The following KLF7 variants were observed in gnomAD, a reference collection of about 807,000 sequenced individuals.
KLF7 encodes the protein Krueppel-like factor 7.
Under a neutral mutation model 27.3 loss-of-function variants are expected in KLF7, and 2 were observed. The observed-to-expected ratio is 0.07, with a 90% CI of 0.03 to 0.23. The LOEUF (loss-of-function observed/expected upper bound fraction) is 0.23. Ranked by LOEUF, KLF7 falls within the 10% of genes least tolerant of loss-of-function variation. KLF7 has a pLI of 1.00. For missense variants in KLF7, 221 were observed against 394.1 expected, an observed-to-expected ratio of 0.56 and a Z score of 3.72; for synonymous variants, 165 against 162.4, an observed-to-expected ratio of 1.02 and a Z score of -0.12.
intron 2 of KLF7, among the ~76,000 whole-genome samples, chr2:207,095,558 A>C (rs1452141704): frequency 2.6e-5 from 4 of 152,250 alleles, no homozygotes; most frequent in Non-Finnish European, 4.4e-5. Flanking sequence ...GTTTGTGTTC[A>C]ATATAGTAGC....
chr2:207,164,913 C>G (rs2078659317), intron 1 of KLF7, among the ~76,000 whole-genome samples: 1 of 152,080 alleles, frequency 6.6e-6, no homozygotes, highest in African/African-American at 2.4e-5. Context: ...TCTCTTTTGC[C>G]TACCTTCTAA....
At chr2:207,084,248 C>T (rs1053651511) in intron 3 of KLF7, among the ~76,000 whole-genome samples, 1 of 152,050 alleles carries the variant, frequency 6.6e-6, no homozygotes, top group Non-Finnish European at 1.5e-5. Flanking sequence ...GAGGGCCTGG[C>T]AGTGGGAAAC....
chr2:207,088,443 T>G lies in KLF7; in HGVS notation c.857+15A>C. Reference sequence around the variant, plus strand: ...ATCTCTCCTCCCTAGCCCATCAACTTCTACTTCTCTTTACCTGTCGCAGTG... The same window carrying G: ...ATCTCTCCTCCCTAGCCCATCAACTGCTACTTCTCTTTACCTGTCGCAGTG... On this transcript the variant is annotated intron_variant, in intron 3 of 3. Coordinates refer to ENST00000309446, the MANE Select transcript of KLF7 (RefSeq NM_003709.4). 6.2e-7 allele frequency: 1 copy of G among 1,612,710 alleles called. No homozygotes were observed. Among genetic ancestry groups the G allele is most frequent in the Non-Finnish European group, 8.5e-7 (1 of 1,178,944 alleles).
chr2:207,168,415 C>T (rs2078760146), upstream of KLF7, among the ~76,000 whole-genome samples: 1 of 152,148 alleles, frequency 6.6e-6, no homozygotes, highest in Non-Finnish European at 1.5e-5. Context: ...GATACCCACG[C>T]TTGGAAATAC....
At chr2:207,134,337 C>G (rs2077724463) in intron 1 of KLF7, among the ~76,000 whole-genome samples, 1 of 151,964 alleles carries the variant, frequency 6.6e-6, no homozygotes, top group African/African-American at 2.4e-5. Flanking sequence ...AACGTTCTCT[C>G]TCTCCCTCGC....
chr2:207,145,650 G>A (rs1012370387), intron 1 of KLF7, among the ~76,000 whole-genome samples: 1 of 152,216 alleles, frequency 6.6e-6, no homozygotes. Context: ...ATGTGACTGT[G>A]AATGTCACTA....
chr2:207,084,142 T>G (rs1462791795), intron 3 of KLF7, among the ~76,000 whole-genome samples: 3 of 152,098 alleles, frequency 2.0e-5, no homozygotes, highest in Non-Finnish European at 4.4e-5. Context: ...TGGTCAGGCC[T>G]GAGGAGGATG....
chr2:207,095,344 G>A (rs369092374), intron 2 of KLF7, among the ~76,000 whole-genome samples: 22 of 152,076 alleles, frequency 1.4e-4, no homozygotes, highest in Non-Finnish European at 1.6e-4. Flanking sequence ...CACCACGCCC[G>A]GCCTGTTTTT....
rs2076209764 is a variant in KLF7 at position 207,078,199 on chromosome 2, C to T, written c.*3014G>A. Reference sequence around the variant, plus strand: ...TAAAGAAGAACAGTTTCAAAGCCATCCACTTAGCACCCACCAAATTCTTAG... The same window carrying T: ...TAAAGAAGAACAGTTTCAAAGCCATTCACTTAGCACCCACCAAATTCTTAG... On this transcript the variant is annotated 3_prime_UTR_variant, in exon 4 of 4. Coordinates refer to ENST00000309446, the MANE Select transcript of KLF7 (RefSeq NM_003709.4). 6.6e-6 allele frequency: 1 copy of T among 152,210 alleles called. No homozygotes were observed. Among genetic ancestry groups the T allele is most frequent in the Admixed American group, 6.5e-5 (1 of 15,282 alleles). 9.4% of individuals were successfully genotyped at this position (152,210 alleles called of 1,614,324 possible). A position where few individuals can be genotyped will look rare whatever the true frequency, so the allele number is the denominator to read the frequency against.
At chr2:207,170,651 G>C (rs193072714), upstream of KLF7, among the ~76,000 whole-genome samples, 2 of 152,214 alleles carry the variant, frequency 1.3e-5, no homozygotes, top group East Asian at 3.9e-4. Context: ...TTTGAAAGTT[G>C]TAGGGCCCTT....
chr2:207,080,828 C>G lies in KLF7; in HGVS notation c.*385G>C. On this transcript the variant is annotated 3_prime_UTR_variant, in exon 4 of 4. Coordinates refer to ENST00000309446, the MANE Select transcript of KLF7 (RefSeq NM_003709.4). The stretch of plus-strand genomic sequence containing the variant: ...AAGTGAAATAAGCCCCTCGGACTGC[C>G]GTCCACCTGCACAGACGTCACATCC... 1 of 405,458 alleles carries G rather than the reference C, an allele frequency of 2.5e-6. No homozygotes were observed. The highest frequency in any genetic ancestry group is 3.5e-5 in the East Asian group (1 of 28,432). 25.1% of individuals were successfully genotyped at this position (405,458 alleles called of 1,614,324 possible).
chr2:207,142,784 G>C (rs1306758146), intron 1 of KLF7, among the ~76,000 whole-genome samples: 1 of 152,220 alleles, frequency 6.6e-6, no homozygotes, highest in Non-Finnish European at 1.5e-5. Context: ...CTAGGATTCT[G>C]ATGAATGGGG....
At position 207,136,404 on chromosome 2, in the gene KLF7, G is replaced by A. The variant is rs116539356; in HGVS notation, c.103-12000C>T. Among the ~76,000 whole-genome samples, 398 of 152,054 alleles carry A rather than the reference G, an allele frequency of 2.6e-3. 2 individuals are homozygous for A. The highest frequency in any genetic ancestry group is 9.0e-3 in the African/African-American group (375 of 41,478). ...CCTCTCTCAGAGCCCTAGTAACTCC[G>A]TCCGCATCCCAGAACGCAGACTCCC... On this transcript the variant is annotated intron_variant, in intron 1 of 3. Coordinates refer to ENST00000309446, the MANE Select transcript of KLF7 (RefSeq NM_003709.4).
chr2:207,109,868 C>CA (rs1008074361), intron 2 of KLF7: 1 of 154,786 alleles, frequency 6.5e-6, no homozygotes, highest in African/African-American at 2.4e-5. Context: ...AGCATGACCC[C>CA]ACAAGGCCAG....
At chr2:207,166,964 C>T, upstream of KLF7, 2 of 842,474 alleles carry the variant, frequency 2.4e-6, no homozygotes, top group South Asian at 5.5e-5. Flanking sequence ...CCCTCCCTCC[C>T]GCGCCTCCTT....
At position 207,134,087 on chromosome 2, in the gene KLF7, C is replaced by T. The variant is rs569010233; in HGVS notation, c.103-9683G>A. The T allele has an allele frequency of 3.1e-5, 48 of 1,535,402 alleles. No homozygotes were observed. The African/African-American group carries it at 3.3e-4, about 11-fold the overall frequency. Reference sequence around the variant, plus strand: ...CTCACTGGCCAAGACGGGAACATGCCGAACCAGTTACATCATCTCCCCTTC... The same window carrying T: ...CTCACTGGCCAAGACGGGAACATGCTGAACCAGTTACATCATCTCCCCTTC... On this transcript the variant is annotated intron_variant, in intron 1 of 3. Transcript: ENST00000309446.
intron 2 of KLF7, among the ~76,000 whole-genome samples, chr2:207,103,830 T>C (rs535570212): frequency 1.3e-5 from 2 of 152,412 alleles, no homozygotes; most frequent in African/African-American, 2.4e-5. Flanking sequence ...TCTGTGCAGA[T>C]GCTTCATATG....
chr2:207,160,429 T>C (rs1367155175), intron 1 of KLF7, among the ~76,000 whole-genome samples: 2 of 152,170 alleles, frequency 1.3e-5, no homozygotes, highest in Non-Finnish European at 2.9e-5. Flanking sequence ...ACAGAGCGAT[T>C]TTCTGCATTT....
chr2:207,114,466 G>A (rs1329147925), intron 2 of KLF7, among the ~76,000 whole-genome samples: 1 of 152,094 alleles, frequency 6.6e-6, no homozygotes, highest in Admixed American at 6.5e-5. Context: ...ACGAAATGAA[G>A]ACAGAAACCT....
Sources: allele counts gnomAD v4.1 joint callset (sites outside exome capture counted in the v4.1 genomes callset), GRCh38; gene constraint gnomAD v4.1.1; transcripts MANE v1.5; gene names NCBI Gene and HGNC (gene_info 2026-07-23, HGNC 2026-07-21).